NEK10: variants seen among roughly 807,000 people sequenced by gnomAD.
NEK10 encodes the protein NIMA related kinase 10.
NEK10 carries 122 observed loss-of-function variants against 159.8 expected under a neutral mutation model. The observed-to-expected ratio is 0.76, with a 90% confidence interval of 0.66 to 0.89. The LOEUF (loss-of-function observed/expected upper bound fraction) is 0.89. Ranked by LOEUF, NEK10 falls within the 40% of genes least tolerant of loss-of-function variation. NEK10 has a pLI of 0.00. For missense variants in NEK10, 1,342 were observed against 1,323.1 expected (o/e 1.01, Z -0.22); for synonymous variants, 466 against 457.1 (o/e 1.02, Z -0.25).
chr3:27,137,235 T>C (rs1943313013), intron 31 of NEK10, among the ~76,000 whole-genome samples: 1 of 152,154 alleles, frequency 6.6e-6, no homozygotes, highest in Non-Finnish European at 1.5e-5. Flanking sequence ...AGGAATGCCA[T>C]TCTGCCAAAA....
At chr3:27,327,503 A>G (rs2046092332) in intron 5 of NEK10, among the ~76,000 whole-genome samples, 1 of 152,200 alleles carries the variant, frequency 6.6e-6, no homozygotes, top group South Asian at 2.1e-4. Context: ...ATCTTCTGCC[A>G]TCAATATAAA....
intron 26 of NEK10, among the ~76,000 whole-genome samples, chr3:27,184,652 T>C (rs796301083): frequency 8.5e-5 from 13 of 152,350 alleles, no homozygotes; most frequent in African/African-American, 3.1e-4. Context: ...TCATATAACA[T>C]AATGAGCATA....
chr3:27,256,003 A>C (rs12488113), intron 23 of NEK10, among the ~76,000 whole-genome samples: 39,080 of 152,040 alleles, frequency 0.26, 5,185 homozygotes, highest in Middle Eastern at 0.38. Flanking sequence ...CAGATTCATT[A>C]AACAACTATT....
At chr3:27,133,349 G>A (rs778637691) in intron 31 of NEK10, among the ~76,000 whole-genome samples, 6 of 152,116 alleles carry the variant, frequency 3.9e-5, no homozygotes, top group Non-Finnish European at 7.4e-5. Context: ...CTACAGGGAG[G>A]GGCTCACAAC....
At chr3:27,223,698 GT>G (rs1952350637) in intron 23 of NEK10, among the ~76,000 whole-genome samples, 1 of 151,960 alleles carries the variant, frequency 6.6e-6, no homozygotes, top group South Asian at 2.1e-4. Flanking sequence ...GCTCCTCAAG[GT>G]TTTATTCATC....
chr3:27,145,280 ATC>A (rs146730419), intron 30 of NEK10, among the ~76,000 whole-genome samples: 1 of 152,276 alleles, frequency 6.6e-6, no homozygotes, highest in East Asian at 1.9e-4. Flanking sequence ...CATGATTCAT[ATC>A]TATGTGGTAT....
chr3:27,313,367 G>A (rs770004022), intron 7 of NEK10, among the ~76,000 whole-genome samples: 30 of 152,044 alleles, frequency 2.0e-4, no homozygotes, highest in African/African-American at 4.8e-4. Context: ...GCTTACCCTC[G>A]CTCAGTAGTT....
chr3:27,343,061 A>C (rs1349301597), intron 5 of NEK10, among the ~76,000 whole-genome samples: 1 of 152,180 alleles, frequency 6.6e-6, no homozygotes, highest in African/African-American at 2.4e-5. Context: ...ACCCAATTAC[A>C]TAACCTTGGT....
chr3:27,185,018 C>A (rs1006998605), intron 26 of NEK10, among the ~76,000 whole-genome samples: 1 of 152,088 alleles, frequency 6.6e-6, no homozygotes, highest in African/African-American at 2.4e-5. Context: ...ATATGCTCAA[C>A]TTTAAAGACA....
At chr3:27,279,198 G>T (rs933468938) in intron 22 of NEK10, among the ~76,000 whole-genome samples, 2 of 152,144 alleles carry the variant, frequency 1.3e-5, no homozygotes, top group African/African-American at 4.8e-5. Flanking sequence ...TGAGAAAAAT[G>T]AGAAGATGAA....
At position 27,188,751 on chromosome 3, in the gene NEK10, C is replaced by T. The variant is rs1948850314; in HGVS notation, c.2505+3278G>A. 2.0e-5 allele frequency among the ~76,000 whole-genome samples: 3 copies of T among 152,302 alleles called. No homozygotes were observed. In the South Asian group the frequency reaches 6.2e-4, roughly 32 times the overall value. ...TTTAAATGTTAGCCTAAAGCTGTCT[C>T]TATAAAATCCCAATAATTCTAATGG... On this transcript the variant is annotated intron_variant, in intron 26 of 35. Transcript: ENST00000691995.
At chr3:27,329,822 C>T (rs1321128330) in intron 5 of NEK10, among the ~76,000 whole-genome samples, 1 of 151,932 alleles carries the variant, frequency 6.6e-6, no homozygotes, top group Admixed American at 6.6e-5. Flanking sequence ...GCTCATCTCC[C>T]ACATCTATCA....
At chr3:27,155,859 C>A (rs28814577) in intron 30 of NEK10, among the ~76,000 whole-genome samples, 1 of 151,992 alleles carries the variant, frequency 6.6e-6, no homozygotes, top group Non-Finnish European at 1.5e-5. Flanking sequence ...AAGAACAAAT[C>A]TGGAGGCATC....
rs371393406 is a variant in NEK10, at chr3:27,174,695, C to T, written c.2644G>A (p.Glu882Lys). 18 of 1,613,050 alleles carry T rather than the reference C, an allele frequency of 1.1e-5. No individual in the cohort carries two copies. The highest frequency in any genetic ancestry group is 2.2e-5 in the South Asian group (2 of 90,912). ...TTGAAGTTATCATCTGACAGGATTT[C>T]GTCACAGGCCCTGTCTTCGTCTTTA... ...YGKDEDRACDEILSDDNFNLE... is the reference protein window; with the variant it reads ...YGKDEDRACDKILSDDNFNLE... The change falls in exon 27 of 36, where the codon GAA becomes AAA. Residue 882 changes from glutamate to lysine, a missense_variant. Transcript: ENST00000691995.
In NEK10 at chr3:27,344,376, A is replaced by G. The variant is rs1328487823; in HGVS notation, c.264-6T>C. Reference sequence around the variant, plus strand: ...TCTCATTCTTGTAGTTTATACTGAGACAAAACAAACAGAAAAGGATTTTGT... The same window carrying G: ...TCTCATTCTTGTAGTTTATACTGAGGCAAAACAAACAGAAAAGGATTTTGT... On this transcript the variant is annotated splice_polypyrimidine_tract_variant and splice_region_variant and intron_variant, in intron 4 of 35. Coordinates refer to ENST00000691995, the MANE Select transcript of NEK10 (RefSeq NM_001394966.1). 2 of 1,434,972 alleles carry G rather than the reference A, an allele frequency of 1.4e-6. No individual in the cohort carries two copies. The highest frequency in any genetic ancestry group is 1.9e-6 in the Non-Finnish European group (2 of 1,027,716). The allele number at this position is 1,434,972 out of a possible 1,614,324, so 88.9% of individuals were successfully genotyped here.
intron 1 of NEK10, among the ~76,000 whole-genome samples, chr3:27,362,687 CAG>C (rs1197436233): frequency 2.0e-5 from 3 of 151,860 alleles, no homozygotes; most frequent in Admixed American, 2.0e-4. Flanking sequence ...CCAAATAAGA[CAG>C]AGTCCTTTGG....
At chr3:27,331,237 C>CAAAAAAAAAAAAAAAAAAAAA (rs11351970) in intron 5 of NEK10, among the ~76,000 whole-genome samples, 32 of 29,580 alleles carry the variant, frequency 1.1e-3, no homozygotes, top group African/African-American at 1.3e-3. Context: ...GACTCTGTCT[C>CAAAAAAAAAAAAAAAAAAAAA]AAAAAAAAAA....
At chr3:27,139,145 A>C (rs1357578884) in intron 31 of NEK10, among the ~76,000 whole-genome samples, 1 of 152,186 alleles carries the variant, frequency 6.6e-6, no homozygotes, top group East Asian at 1.9e-4. Context: ...CATGTTATCA[A>C]ATTTCTCATG....
chr3:27,140,550 T>G (rs1110083), intron 31 of NEK10, among the ~76,000 whole-genome samples: 36,269 of 152,128 alleles, frequency 0.24, 4,751 homozygotes, highest in Middle Eastern at 0.4. Flanking sequence ...TTTTTTGTTT[T>G]GGGATGTTTT....
Sources: allele counts gnomAD v4.1 joint callset (sites outside exome capture counted in the v4.1 genomes callset), GRCh38; gene constraint gnomAD v4.1.1; transcripts MANE v1.5; gene names NCBI Gene and HGNC (gene_info 2026-07-23, HGNC 2026-07-21).